Variants in PCDHA4 observed in about 807,000 individuals in gnomAD.
The protein encoded by PCDHA4 is protocadherin alpha 4.
A neutral mutation model predicts 61.4 loss-of-function variants in PCDHA4; 49 were observed. That is an observed-to-expected ratio of 0.80 (90% CI 0.63 to 1.01). The LOEUF is 1.01. PCDHA4 is among the 50% of genes least tolerant of loss of function. The pLI, the probability that PCDHA4 is intolerant of heterozygous loss-of-function variation, is 0.00. For missense variants in PCDHA4, 1,254 were observed against 1,235.8 expected, an observed-to-expected ratio of 1.01 and a Z score of -0.22; for synonymous variants, 590 against 550.3, an observed-to-expected ratio of 1.07 and a Z score of -1.01.
Position 140,843,376 on chromosome 5 carries a change from C to A in PCDHA4, c.2385+33804C>A, listed in dbSNP as rs1554140003. The stretch of plus-strand genomic sequence containing the variant: ...AAGCGTCATCGAGGCAGTCGGCTGG[C>A]GTTTTGGGTCCGGAAGCGGCGCTGG... On this transcript the variant is annotated intron_variant, in intron 1 of 3. Transcript: ENST00000530339. The A allele has an allele frequency of 5.0e-6, 8 of 1,595,956 alleles. 1 individual carries two copies. Among genetic ancestry groups the A allele is most frequent in the Middle Eastern group, 3.3e-4 (2 of 6,012 alleles).
At chr5:140,938,827 C>T (rs905501922) in intron 1 of PCDHA4, among the ~76,000 whole-genome samples, 4 of 151,880 alleles carry the variant, frequency 2.6e-5, no homozygotes, top group Non-Finnish European at 4.4e-5. Context: ...CATGAGTTTG[C>T]GTTATAACAA....
chr5:140,850,619 T>C (rs1327307215), intron 1 of PCDHA4: 1 of 1,598,468 alleles, frequency 6.3e-7, no homozygotes, highest in Non-Finnish European at 8.6e-7. Context: ...GCGCGGTGTC[T>C]AGCCTGTTGG....
At chr5:140,947,969 C>T (rs1159851699) in intron 1 of PCDHA4, among the ~76,000 whole-genome samples, 1 of 151,182 alleles carries the variant, frequency 6.6e-6, no homozygotes, top group African/African-American at 2.4e-5. Context: ...TAAGTATGTG[C>T]TACTCATAGG....
intron 1 of PCDHA4, among the ~76,000 whole-genome samples, chr5:140,888,739 GA>G (rs782625301): frequency 6.6e-6 from 1 of 151,978 alleles, no homozygotes; most frequent in Non-Finnish European, 1.5e-5. Flanking sequence ...TGAGCTCTAG[GA>G]ATTATTCTAC....
chr5:140,926,948 CG>C, intron 1 of PCDHA4: 2 of 1,589,778 alleles, frequency 1.3e-6, no homozygotes, highest in African/African-American at 1.3e-5. Context: ...GGCGCTGCAG[CG>C]GGACAGCTCG....
At chr5:140,916,296 G>C (rs2077516868) in intron 1 of PCDHA4, among the ~76,000 whole-genome samples, 1 of 152,094 alleles carries the variant, frequency 6.6e-6, no homozygotes, top group Admixed American at 6.5e-5. Flanking sequence ...TGGCCAAACT[G>C]GTACCAAAGG....
At chr5:140,884,622 G>A (rs781857198) in intron 1 of PCDHA4, 1 of 1,613,948 alleles carries the variant, frequency 6.2e-7, no homozygotes, top group Non-Finnish European at 8.5e-7. Context: ...TCTGCAGAGG[G>A]AACAGGCCAG....
chr5:141,001,126 C>A (rs2097993222), intron 3 of PCDHA4, among the ~76,000 whole-genome samples: 1 of 151,970 alleles, frequency 6.6e-6, no homozygotes, highest in African/African-American at 2.4e-5. Context: ...AGTCCTTAAA[C>A]AAATGAATCT....
chr5:140,869,614 A>T lies in PCDHA4; in HGVS notation c.2385+60042A>T, dbSNP rs1554163296. ...TGAAGAGAATGCTCTATTGACCTACAGGCTAAGTAAAAATGAGTATTTTTC... is the reference window on the plus strand; with the variant it reads ...TGAAGAGAATGCTCTATTGACCTACTGGCTAAGTAAAAATGAGTATTTTTC... On this transcript the variant is annotated intron_variant, in intron 1 of 3. Transcript: ENST00000530339. 2 of 1,613,940 alleles carry T rather than the reference A, an allele frequency of 1.2e-6. No homozygotes were observed. The highest frequency in any genetic ancestry group is 4.5e-5 in the East Asian group (2 of 44,886).
intron 1 of PCDHA4, among the ~76,000 whole-genome samples, chr5:140,895,670 G>C (rs551602030): frequency 3.9e-5 from 6 of 152,250 alleles, no homozygotes; most frequent in Non-Finnish European, 8.8e-5. Context: ...AGAACATGTA[G>C]TATTTGGTTT....
chr5:140,833,355 A>T (rs1008230384), intron 1 of PCDHA4, among the ~76,000 whole-genome samples: 7 of 152,200 alleles, frequency 4.6e-5, no homozygotes, highest in Non-Finnish European at 1.5e-5. Flanking sequence ...CAGAAAACGA[A>T]CACAGTAAGG....
At chr5:140,853,449 G>C (rs1331170631) in intron 1 of PCDHA4, 1 of 979,994 alleles carries the variant, frequency 1.0e-6, no homozygotes, top group East Asian at 1.1e-4. Flanking sequence ...TGCCTAATAG[G>C]TCTCCTTATA....
At chr5:140,990,429 C>A (rs2097393514) in intron 3 of PCDHA4, among the ~76,000 whole-genome samples, 1 of 152,144 alleles carries the variant, frequency 6.6e-6, no homozygotes, top group African/African-American at 2.4e-5. Context: ...CAGCATTGAC[C>A]CAATCTTGTG....
intron 1 of PCDHA4, chr5:140,836,292 C>A (rs1774344523): frequency 6.2e-7 from 1 of 1,613,662 alleles, no homozygotes; most frequent in South Asian, 1.1e-5. Context: ...GACACGAGCC[C>A]TAGATGAGAC....
intron 1 of PCDHA4, chr5:140,882,140 T>C (rs1010543120): frequency 7.4e-6 from 11 of 1,490,760 alleles, no homozygotes; most frequent in Admixed American, 4.6e-5. Flanking sequence ...GCAGAAAATA[T>C]AGCAGAAAGC....
At chr5:140,982,226 A>G in intron 2 of PCDHA4, 1 of 603,292 alleles carries the variant, frequency 1.7e-6, no homozygotes, top group Non-Finnish European at 2.5e-6. Context: ...GCGTTAATAA[A>G]AAACAGAATT....
chr5:140,835,875 C>T (rs1356053208), intron 1 of PCDHA4: 3 of 1,611,846 alleles, frequency 1.9e-6, no homozygotes, highest in African/African-American at 2.7e-5. Flanking sequence ...GGTGGAGCTG[C>T]GGGTGGGCGA....
intron 1 of PCDHA4, among the ~76,000 whole-genome samples, chr5:140,839,341 G>T (rs1301082708): frequency 6.6e-6 from 1 of 150,686 alleles, no homozygotes; most frequent in African/African-American, 2.5e-5. Context: ...AGTTGATAGG[G>T]GATCCTCCTT....
At chr5:140,858,241 G>T in intron 1 of PCDHA4, 1 of 1,596,686 alleles carries the variant, frequency 6.3e-7, no homozygotes, top group Non-Finnish European at 8.6e-7. Context: ...GCGCATGTGG[G>T]CCGGTGAAGC....
Sources: allele counts gnomAD v4.1 joint callset (sites outside exome capture counted in the v4.1 genomes callset), GRCh38; gene constraint gnomAD v4.1.1; transcripts MANE v1.5; gene names NCBI Gene and HGNC (gene_info 2026-07-23, HGNC 2026-07-21).